RIOK3: variants seen among roughly 807,000 people sequenced by gnomAD.
RIOK3 encodes the protein RIO kinase 3, also known as serine/threonine-protein kinase RIO3.
RIOK3 carries 40 observed loss-of-function variants against 63.5 expected under a neutral mutation model. That is an observed-to-expected ratio of 0.63 (90% CI 0.49 to 0.82). The LOEUF (loss-of-function observed/expected upper bound fraction) is 0.82, where lower values mean the gene tolerates loss of function less well. RIOK3 is among the 40% of genes least tolerant of loss of function. RIOK3 has a pLI of 0.00. For missense variants in RIOK3, 557 were observed against 637.0 expected (o/e 0.87, Z 1.35); for synonymous variants, 193 against 205.0 (o/e 0.94, Z 0.50).
intron 1 of RIOK3, among the ~76,000 whole-genome samples, chr18:23,455,295 A>C (rs926166243): frequency 6.6e-6 from 1 of 150,890 alleles, no homozygotes; most frequent in African/African-American, 2.4e-5. Flanking sequence ...GGCTGGTCTC[A>C]AACTCCGACC....
At position 23,463,849 on chromosome 18, in the gene RIOK3, T is replaced by C; in HGVS notation, c.180-118T>C. 3 of 837,598 alleles carry C rather than the reference T, an allele frequency of 3.6e-6. No homozygotes were observed. The South Asian group carries it at 5.1e-5, about 14-fold the overall frequency. 51.9% of individuals were successfully genotyped at this position (837,598 alleles called of 1,614,324 possible). ...GTGCAGGAGAAGGTAAATGGTTTGATAGAGTTCTTTCCCATTGTTCAATTT... is the reference window on the plus strand; with the variant it reads ...GTGCAGGAGAAGGTAAATGGTTTGACAGAGTTCTTTCCCATTGTTCAATTT... On this transcript the variant is annotated intron_variant, in intron 2 of 12. Coordinates refer to ENST00000339486, the MANE Select transcript of RIOK3 (RefSeq NM_003831.5).
intron 4 of RIOK3, 28 bp from the exon 5 acceptor site, chr18:23,464,491 A>G (rs763755161): frequency 6.9e-7 from 1 of 1,452,264 alleles, no homozygotes; most frequent in Middle Eastern, 1.8e-4. Flanking sequence ...CTATTTTTAT[A>G]TACCTGGCTT....
At chr18:23,453,574 G>T in intron 1 of RIOK3, 72 bp downstream of exon 1, 1 of 1,336,682 alleles carries the variant, frequency 7.5e-7, no homozygotes, top group Non-Finnish European at 1.1e-6. Flanking sequence ...CTCGGAGAGG[G>T]CGGCTTCGTG....
rs571108157 is a variant in RIOK3, at chr18:23,477,879, G to A, written c.1344+611G>A. Among the ~76,000 whole-genome samples the A allele has an allele frequency of 4.9e-4, 74 of 152,054 alleles. 1 individual carries two copies. The highest frequency in any genetic ancestry group is 1.7e-3 in the African/African-American group (71 of 41,450). ...GAGGTCAGGAGTTCAAGACCAGCCC[G>A]GCCAACATGGTGAAACGCTGTCTGT... On this transcript the variant is annotated intron_variant, in intron 11 of 12. Coordinates refer to ENST00000339486, the MANE Select transcript of RIOK3 (RefSeq NM_003831.5).
At chr18:23,459,989 C>T (rs781012981) in intron 1 of RIOK3, among the ~76,000 whole-genome samples, 3 of 152,180 alleles carry the variant, frequency 2.0e-5, no homozygotes, top group African/African-American at 4.8e-5. Context: ...CCACTGCACA[C>T]GGCCTGAGTA....
In RIOK3 at chr18:23,474,353, C is replaced by T. The variant is rs561828296; in HGVS notation, c.1014-595C>T. On this transcript the variant is annotated intron_variant, in intron 8 of 12. Coordinates refer to ENST00000339486, the MANE Select transcript of RIOK3 (RefSeq NM_003831.5). Reference sequence around the variant, plus strand: ...AACCAGCCTGGAAACGTTAGACTCCCAAGACCTTGTCTCAAAAAGAAAAAA... The same window carrying T: ...AACCAGCCTGGAAACGTTAGACTCCTAAGACCTTGTCTCAAAAAGAAAAAA... 2.5e-3 allele frequency among the ~76,000 whole-genome samples: 378 copies of T among 152,006 alleles called. 1 individual carries two copies. Among genetic ancestry groups the T allele is most frequent in the South Asian group, 5.8e-3 (28 of 4,810 alleles).
chr18:23,474,826 C>T (rs2057478543), intron 8 of RIOK3, 122 bp from the exon 9 acceptor site: 2 of 688,944 alleles, frequency 2.9e-6, no homozygotes, highest in Non-Finnish European at 2.5e-6. Flanking sequence ...TTTGTATTCC[C>T]ACATCACCAG....
intron 5 of RIOK3, among the ~76,000 whole-genome samples, chr18:23,465,572 T>C (rs779593031): frequency 2.0e-5 from 3 of 152,230 alleles, no homozygotes; most frequent in Non-Finnish European, 2.9e-5. Context: ...ATGTTCTGTA[T>C]GTGTGCTGTT....
chr18:23,460,388 A>C (rs1283355703), intron 1 of RIOK3, among the ~76,000 whole-genome samples: 16 of 152,160 alleles, frequency 1.1e-4, no homozygotes, highest in Non-Finnish European at 1.5e-5. Flanking sequence ...TGTATAGCAA[A>C]ATGCTAAGAG....
intron 9 of RIOK3, among the ~76,000 whole-genome samples, chr18:23,476,280 C>T (rs926729566): frequency 1.3e-5 from 2 of 152,164 alleles, no homozygotes; most frequent in Non-Finnish European, 2.9e-5. Flanking sequence ...TGAGACAATG[C>T]TCCTAATACT....
chr18:23,469,062 G>C (rs188204761), intron 7 of RIOK3, among the ~76,000 whole-genome samples: 1 of 152,176 alleles, frequency 6.6e-6, no homozygotes, highest in Non-Finnish European at 1.5e-5. Flanking sequence ...CGTCTCACAG[G>C]CCTCTTCACA....
intron 1 of RIOK3, chr18:23,456,238 G>A (rs1339506486): frequency 6.6e-6 from 1 of 152,226 alleles, no homozygotes. Context: ...ACCACGCCCA[G>A]CCCGGACTTC....
intron 11 of RIOK3, among the ~76,000 whole-genome samples, chr18:23,478,662 A>C (rs2057510919): frequency 1.1e-5 from 1 of 93,810 alleles, no homozygotes; most frequent in African/African-American, 4.5e-5. Context: ...TATATATGGT[A>C]AAATTTAGTA....
chr18:23,458,656 A>AT (rs888355155), intron 1 of RIOK3, among the ~76,000 whole-genome samples: 1 of 152,136 alleles, frequency 6.6e-6, no homozygotes, highest in Non-Finnish European at 1.5e-5. Context: ...ATCTTGTTAG[A>AT]TTTTTTACAA....
intron 11 of RIOK3, 59 bp from the exon 12 acceptor site, chr18:23,479,258 T>C (rs2057514990): frequency 9.3e-7 from 1 of 1,070,720 alleles, no homozygotes; most frequent in Admixed American, 1.7e-5. Context: ...TCCCTGTTTT[T>C]AGTTTATAAG....
intron 8 of RIOK3, among the ~76,000 whole-genome samples, chr18:23,474,343 G>A (rs1216157011): frequency 1.3e-5 from 2 of 151,820 alleles, no homozygotes; most frequent in Non-Finnish European, 2.9e-5. Context: ...GCCTGGAAAC[G>A]TTAGACTCCC....
intron 3 of RIOK3, 34 bp from the exon 4 acceptor site, chr18:23,464,172 C>T: frequency 6.2e-7 from 1 of 1,608,898 alleles, no homozygotes; most frequent in South Asian, 1.1e-5. Context: ...TAATGTGCTC[C>T]TAAGTAAATC....
At chr18:23,476,795 C>G (rs144413946) in intron 9 of RIOK3, among the ~76,000 whole-genome samples, 3 of 151,952 alleles carry the variant, frequency 2.0e-5, no homozygotes, top group Non-Finnish European at 2.9e-5. Context: ...GCCTGTAGTC[C>G]GAGCTACTTG....
intron 1 of RIOK3, among the ~76,000 whole-genome samples, chr18:23,462,295 A>T (rs1392887015): frequency 1.3e-5 from 2 of 151,658 alleles, no homozygotes; most frequent in Non-Finnish European, 2.9e-5. Context: ...ATGCACCACC[A>T]CAGCCCGCTA....
Sources: allele counts gnomAD v4.1 joint callset (sites outside exome capture counted in the v4.1 genomes callset), GRCh38; gene constraint gnomAD v4.1.1; transcripts MANE v1.5; gene names NCBI Gene and HGNC (gene_info 2026-07-23, HGNC 2026-07-21).